Variants in MSR1 observed in about 807,000 individuals in gnomAD.
MSR1 encodes the protein macrophage scavenger receptor types I and II.
A neutral mutation model predicts 47.2 loss-of-function variants in MSR1; 53 were observed. That is an observed-to-expected ratio of 1.12 (90% CI 0.90 to 1.41). The LOEUF (loss-of-function observed/expected upper bound fraction) is 1.41. MSR1 is among the 40% of genes most tolerant of loss of function. The probability of loss-of-function intolerance (pLI) is 0.00; values close to 1 mark genes in which losing one functional copy is unlikely to be tolerated. For missense variants in MSR1, 786 were observed against 546.9 expected (o/e 1.44, Z -4.36); for synonymous variants, 239 against 185.6 (o/e 1.29, Z -2.34).
chr8:16,182,423 G>A (rs762118127), intron 1 of MSR1, among the ~76,000 whole-genome samples: 1 of 152,082 alleles, frequency 6.6e-6, no homozygotes, highest in Non-Finnish European at 1.5e-5. Context: ...TTAGTTTACA[G>A]TACCTTTAAT....
At chr8:16,150,384 T>C in intron 6 of MSR1, 73 bp from the exon 7 acceptor site, 1 of 752,110 alleles carries the variant, frequency 1.3e-6, no homozygotes. Context: ...AATGAAAACA[T>C]CTAGTTTTAT....
chr8:16,116,419 T>C (rs555242783), intron 9 of MSR1, among the ~76,000 whole-genome samples: 1 of 152,274 alleles, frequency 6.6e-6, no homozygotes, highest in Admixed American at 6.5e-5. Context: ...ACTTTATTGT[T>C]TGATGATAAT....
chr8:16,123,271 C>CTGAAGTAA (rs1477646295), intron 8 of MSR1, among the ~76,000 whole-genome samples: 1 of 152,106 alleles, frequency 6.6e-6, no homozygotes, highest in Non-Finnish European at 1.5e-5. Flanking sequence ...TTGACCATCT[C>CTGAAGTAA]TGAAGTAATA....
rs2229388 is a variant in MSR1 at position 16,155,139 on chromosome 8, G to A, written c.823C>T (p.Pro275Ser). The A allele has an allele frequency of 4.3e-6, 7 of 1,610,908 alleles. No individual in the cohort carries two copies. Among genetic ancestry groups the A allele is most frequent in the Admixed American group, 1.7e-5 (1 of 59,718 alleles). The change falls in exon 6 of 10, where the codon CCT becomes TCT. Residue 275 changes from proline to serine, a missense_variant. By Grantham distance (74) the Pro-to-Ser change is moderately conservative. Coordinates refer to ENST00000262101, the MANE Select transcript of MSR1 (RefSeq NM_138715.3). ...TCTCCTTTTTCACCCGGGGGTCCAGGAGGACCTTTAAAAAAATTACAGTTA... is the reference window on the plus strand; with the variant it reads ...TCTCCTTTTTCACCCGGGGGTCCAGAAGGACCTTTAAAAAAATTACAGTTA... Reference protein sequence around the residue: ...LRNITLIQGPPGPPGEKGDRG... With the variant: ...LRNITLIQGPSGPPGEKGDRG...
Position 16,129,105 on chromosome 8 carries a change from A to C in MSR1, c.1034-8499T>G, listed in dbSNP as rs548087002. Among the ~76,000 whole-genome samples, 13 of 152,290 alleles carry C rather than the reference A, an allele frequency of 8.5e-5. No homozygotes were observed. In the East Asian group the frequency reaches 2.1e-3, roughly 25 times the overall value. Reference sequence around the variant, plus strand: ...AATCATATGAAGTTTTAGTGAAAATACTGTACACAGAAACTGAATATTTGT... The same window carrying C: ...AATCATATGAAGTTTTAGTGAAAATCCTGTACACAGAAACTGAATATTTGT... On this transcript the variant is annotated intron_variant, in intron 8 of 9. Coordinates refer to ENST00000262101, the MANE Select transcript of MSR1 (RefSeq NM_138715.3).
Position 16,168,715 on chromosome 8 carries a change from T to C in MSR1, c.373A>G (p.Ile125Val), listed in dbSNP as rs1801393851. ...GCTTCCATGTCTAAAATATGCTGGA[T>C]TCTCTTCTCCATGTTGCTCATGTGT... ...MEHMSNMEKR[I>V]QHILDMEANL... is the part of the protein sequence containing the mutation. The change falls in exon 4 of 10, where the codon ATC (isoleucine) becomes GTC (valine). Residue 125 changes from isoleucine (I) to valine (V), a missense_variant. Physicochemically the swap from Ile to Val is conservative, Grantham distance 29. Coordinates refer to ENST00000262101, the MANE Select transcript of MSR1 (RefSeq NM_138715.3). 1 of 1,614,168 alleles carries C rather than the reference T, an allele frequency of 6.2e-7. No individual in the cohort carries two copies. The highest frequency in any genetic ancestry group is 2.2e-5 in the East Asian group (1 of 44,870).
intron 8 of MSR1, among the ~76,000 whole-genome samples, chr8:16,127,821 G>T (rs930437888): frequency 2.0e-5 from 3 of 152,152 alleles, no homozygotes; most frequent in African/African-American, 7.2e-5. Flanking sequence ...TGTGATTAAA[G>T]ATGTTTCTGT....
chr8:16,186,936 C>T (rs1033493741), intron 1 of MSR1, among the ~76,000 whole-genome samples: 3 of 152,064 alleles, frequency 2.0e-5, no homozygotes, highest in Admixed American at 6.6e-5. Flanking sequence ...ATTTTAATAG[C>T]TCCCTGACTT....
chr8:16,134,963 G>A (rs1021358670), intron 8 of MSR1, among the ~76,000 whole-genome samples: 8 of 152,142 alleles, frequency 5.3e-5, no homozygotes, highest in African/African-American at 1.7e-4. Flanking sequence ...AGAAAGGTGA[G>A]GAAACTGCAG....
intron 9 of MSR1, among the ~76,000 whole-genome samples, 161 bp downstream of exon 9, chr8:16,120,257 G>C (rs1799967627): frequency 6.6e-6 from 1 of 151,734 alleles, no homozygotes; most frequent in East Asian, 2.0e-4. Context: ...CGCGGCTGTA[G>C]TCCCAGCTAC....
chr8:16,137,110 C>T lies in MSR1; in HGVS notation c.1033+6448G>A, dbSNP rs555411058. On this transcript the variant is annotated intron_variant, in intron 8 of 9. Transcript: ENST00000262101. The stretch of plus-strand genomic sequence containing the variant: ...CAAATAATAGTGAAAAATGTTAAGG[C>T]TGAGCCCGTTAGCAAAATAAAGATA... 2.6e-5 allele frequency among the ~76,000 whole-genome samples: 4 copies of T among 152,136 alleles called. No homozygotes were observed. In the East Asian group the frequency reaches 7.7e-4, roughly 29 times the overall value.
At chr8:16,173,843 T>G (rs147656331) in intron 3 of MSR1, among the ~76,000 whole-genome samples, 7,232 of 151,814 alleles carry the variant, frequency 0.048, 508 homozygotes, top group African/African-American at 0.15. Context: ...TAGAGACGGG[T>G]TTTCACCATG....
chr8:16,151,778 A>C (rs1238254345), intron 6 of MSR1, among the ~76,000 whole-genome samples: 2 of 152,092 alleles, frequency 1.3e-5, no homozygotes, highest in Non-Finnish European at 2.9e-5. Flanking sequence ...AATTATTCAC[A>C]TGTCCTAGGT....
At chr8:16,114,658 C>T (rs1027492873) in intron 9 of MSR1, among the ~76,000 whole-genome samples, 15 of 151,856 alleles carry the variant, frequency 9.9e-5, no homozygotes, top group African/African-American at 2.9e-4. Flanking sequence ...TTTGTCTAGT[C>T]AGAAAAAAAG....
intron 8 of MSR1, among the ~76,000 whole-genome samples, chr8:16,134,129 A>C (rs1334032611): frequency 6.6e-6 from 1 of 152,146 alleles, no homozygotes; most frequent in African/African-American, 2.4e-5. Context: ...TAAACTTTTC[A>C]TAAAGTATCG....
intron 3 of MSR1, among the ~76,000 whole-genome samples, chr8:16,170,910 A>C (rs2117189540): frequency 6.6e-6 from 1 of 152,304 alleles, no homozygotes; most frequent in South Asian, 2.1e-4. Context: ...AGGCATATCT[A>C]TTCCTCTAAA....
chr8:16,164,348 A>G (rs1274650068), intron 4 of MSR1, 97 bp from the exon 5 acceptor site: 3 of 958,620 alleles, frequency 3.1e-6, no homozygotes, highest in South Asian at 1.4e-5. Context: ...TTTTAAAAAC[A>G]TATTATGGGA....
chr8:16,135,131 C>T (rs974795512), intron 8 of MSR1, among the ~76,000 whole-genome samples: 1 of 152,150 alleles, frequency 6.6e-6, no homozygotes, highest in Non-Finnish European at 1.5e-5. Flanking sequence ...AAGGTTACTA[C>T]ACTACACAAC....
chr8:16,171,674 C>G (rs1474464380), intron 3 of MSR1, among the ~76,000 whole-genome samples: 1 of 152,126 alleles, frequency 6.6e-6, no homozygotes, highest in Non-Finnish European at 1.5e-5. Flanking sequence ...TTGACTGTAA[C>G]AATGAGGAGC....
Sources: gnomAD v4.1 joint callset for allele counts (sites outside exome capture counted in the v4.1 genomes callset) on GRCh38, gnomAD v4.1.1 for gene constraint, MANE v1.5 for transcripts, NCBI Gene and HGNC (gene_info 2026-07-23, HGNC 2026-07-21) for gene names.